TMF1: variants seen among roughly 807,000 people sequenced by gnomAD.
TMF1 encodes TATA element modulatory factor.
Under a neutral mutation model 126.5 loss-of-function variants are expected in TMF1, and 71 were observed. The ratio of observed to expected loss-of-function variants is 0.56; its 90% confidence interval spans 0.46 to 0.68. TMF1 has a LOEUF of 0.68. Ranked by LOEUF, TMF1 falls within the 30% of genes least tolerant of loss-of-function variation. TMF1 has a pLI of 0.00. For missense variants in TMF1, 1,259 were observed against 1,253.2 expected, an observed-to-expected ratio of 1.00 and a Z score of -0.07; for synonymous variants, 461 against 430.5, an observed-to-expected ratio of 1.07 and a Z score of -0.88.
intron 2 of TMF1, 86 bp from the exon 3 acceptor site, chr3:69,044,681 A>G: frequency 2.6e-6 from 2 of 772,410 alleles, no homozygotes; most frequent in Non-Finnish European, 4.3e-6. Context: ...GTAACAAAGA[A>G]AACAGCTTTA....
chr3:69,024,766 A>C (rs7375020), intron 15 of TMF1: 1 of 147,056 alleles, frequency 6.8e-6, no homozygotes, highest in Non-Finnish European at 1.5e-5. Context: ...AGGTATCCTG[A>C]TTCAAAATGC....
In TMF1 at chr3:69,020,735, A is replaced by G. The variant is rs2091724732; in HGVS notation, c.*2442T>C. On this transcript the variant is annotated 3_prime_UTR_variant, in exon 17 of 17. Transcript: ENST00000398559. ...AGTGTTTAACAATCAAAATATGATC[A>G]GTTTGAGTATCAGCTATTTATTTGT... The G allele has an allele frequency of 1.3e-5, 2 of 152,188 alleles. No individual in the cohort carries two copies. Among genetic ancestry groups the G allele is most frequent in the Non-Finnish European group, 2.9e-5 (2 of 68,008 alleles). The allele number at this position is 152,188 out of a possible 1,614,324, so 9.4% of individuals were successfully genotyped here. A position where few individuals can be genotyped will look rare whatever the true frequency, so the allele number is the denominator to read the frequency against.
chr3:69,048,536 A>G lies in TMF1; in HGVS notation c.169T>C (p.Trp57Arg). ...PGISSPVSGGWDTSTWGLKSN... is the reference protein window; with the variant it reads ...PGISSPVSGGRDTSTWGLKSN... ...TTCAACCCCCAGGTTGAAGTATCCC[A>G]TCCTCCACTGACAGGGGAACTTATT... is the stretch of plus-strand genomic sequence containing the variant. The change falls in exon 2 of 17, where the codon TGG becomes CGG. Residue 57 changes from tryptophan to arginine, a missense_variant. By Grantham distance (101) the Trp-to-Arg change is moderately radical. Coordinates refer to ENST00000398559, the MANE Select transcript of TMF1 (RefSeq NM_007114.3). The G allele has an allele frequency of 1.2e-6, 2 of 1,608,254 alleles. No homozygotes were observed. Among genetic ancestry groups the G allele is most frequent in the Non-Finnish European group, 1.7e-6 (2 of 1,176,756 alleles).
At chr3:69,032,642 G>A (rs1213570219) in intron 10 of TMF1, among the ~76,000 whole-genome samples, 2 of 143,406 alleles carry the variant, frequency 1.4e-5, no homozygotes, top group East Asian at 2.0e-4. Flanking sequence ...ATGCAGTCTC[G>A]CTCTGTCACC....
chr3:69,051,815 GGGCC>G lies in TMF1; in HGVS notation c.142+126_142+129del. 8.0e-6 allele frequency: 9 copies of G among 1,123,978 alleles called. No individual in the cohort carries two copies. The South Asian group carries it at 1.3e-4, about 17-fold the overall frequency. 69.6% of individuals were successfully genotyped at this position (1,123,978 alleles called of 1,614,324 possible). ...GGAGGCTGAAGCAGCATTAGGGAAC[GGGCC>G]GGGGAGAAATTACTTCCTGAAAACT... On this transcript the variant is annotated intron_variant, in intron 1 of 16. Coordinates refer to ENST00000398559, the MANE Select transcript of TMF1 (RefSeq NM_007114.3).
In TMF1 at chr3:69,042,924, G is replaced by T; in HGVS notation, c.1579-12C>A. On this transcript the variant is annotated splice_polypyrimidine_tract_variant and intron_variant, in intron 4 of 16. Coordinates refer to ENST00000398559, the MANE Select transcript of TMF1 (RefSeq NM_007114.3). ...ATGTTTTTGATTTCCTAATAAAAAA[G>T]AAATCTGTGAATACCGTAAAGAATG... is the stretch of plus-strand genomic sequence containing the variant. The T allele has an allele frequency of 6.5e-7, 1 of 1,543,432 alleles. No homozygotes were observed. Among genetic ancestry groups the T allele is most frequent in the Non-Finnish European group, 8.9e-7 (1 of 1,117,654 alleles).
intron 1 of TMF1, among the ~76,000 whole-genome samples, chr3:69,051,593 C>T (rs1444932809): frequency 6.6e-6 from 1 of 152,164 alleles, no homozygotes; most frequent in Non-Finnish European, 1.5e-5. Context: ...CCAACAGTGC[C>T]CGAGACGCGA....
chr3:69,038,521 C>T, intron 8 of TMF1, 43 bp downstream of exon 8: 1 of 1,591,114 alleles, frequency 6.3e-7, no homozygotes, highest in Non-Finnish European at 8.6e-7. Context: ...GAAGCATAAA[C>T]AAATATTTTT....
chr3:69,041,788 T>C (rs2091866414), intron 5 of TMF1, among the ~76,000 whole-genome samples: 1 of 152,144 alleles, frequency 6.6e-6, no homozygotes, highest in Non-Finnish European at 1.5e-5. Context: ...TATTGGATTA[T>C]AATCTACTTT....
At position 69,025,688 on chromosome 3, in the gene TMF1, C is replaced by G; in HGVS notation, c.2884G>C (p.Gly962Arg). ...CCATTTGCTGATATAGGCATTGGTCCAAATGAGTGATCATGAGACTCATCC... is the reference window on the plus strand; with the variant it reads ...CCATTTGCTGATATAGGCATTGGTCGAAATGAGTGATCATGAGACTCATCC... ...SQDESHDHSF[G>R]PMPISANGSN... The change falls in exon 15 of 17, where the codon GGA becomes CGA. Residue 962 changes from glycine to arginine, a missense_variant. Gly to Arg is a moderately radical substitution (Grantham distance 125, BLOSUM62 -2). Transcript: ENST00000398559. 1 of 1,613,848 alleles carries G rather than the reference C, an allele frequency of 6.2e-7. No homozygotes were observed. Among genetic ancestry groups the G allele is most frequent in the Non-Finnish European group, 8.5e-7 (1 of 1,179,898 alleles).
intron 13 of TMF1, among the ~76,000 whole-genome samples, chr3:69,026,561 G>A (rs576479720): frequency 1.6e-4 from 24 of 152,182 alleles, no homozygotes; most frequent in African/African-American, 4.3e-4. Flanking sequence ...TGGAGGTGGC[G>A]GTGAGCTGAG....
In TMF1 at chr3:69,021,353, C is replaced by G. The variant is rs1260796220; in HGVS notation, c.*1824G>C. 1 of 152,568 alleles carries G rather than the reference C, an allele frequency of 6.6e-6. No individual in the cohort carries two copies. The highest frequency in any genetic ancestry group is 1.5e-5 in the Non-Finnish European group (1 of 68,028). 9.5% of individuals were successfully genotyped at this position (152,568 alleles called of 1,614,324 possible). On this transcript the variant is annotated 3_prime_UTR_variant, in exon 17 of 17. Transcript: ENST00000398559. ...GAGGGAACTACTATATTTTCTAATT[C>G]TATACATTTCTTATTGCTTATCTGT...
intron 5 of TMF1, among the ~76,000 whole-genome samples, chr3:69,041,769 T>C (rs2091866300): frequency 1.3e-5 from 2 of 152,126 alleles, no homozygotes; most frequent in Admixed American, 1.3e-4. Context: ...AATTAATAGT[T>C]CCTTATAATA....
In TMF1 at chr3:69,042,871, A is replaced by G. The variant is rs751410162; in HGVS notation, c.1620T>C (p.Asn540=). ...NIKEELATRL[N]SSETADLLKE... ...TCAAAAGGTCTGCAGTTTCACTACT[A>G]TTTAATCTAGTGGCAAGTTCTTCTT... The change falls in exon 5 of 17, where the codon AAT becomes AAC. Residue 540 remains asparagine (N), a synonymous_variant. Transcript: ENST00000398559. 1 of 1,613,546 alleles carries G rather than the reference A, an allele frequency of 6.2e-7. No individual in the cohort carries two copies. The highest frequency in any genetic ancestry group is 8.5e-7 in the Non-Finnish European group (1 of 1,179,798).
At position 69,023,214 on chromosome 3, in the gene TMF1, G is replaced by A; in HGVS notation, c.3245C>T (p.Thr1082Ile). ...DLEDVKNMYKTQIDELLRQSL... is the reference protein window; with the variant it reads ...DLEDVKNMYKIQIDELLRQSL... ...TTGTCTTAAAAGTTCATCTATTTGA[G>A]TTTTGTACATATTTTTTACATCTTC... The change falls in exon 17 of 17, where the codon ACT becomes ATT. Residue 1082 changes from threonine (T) to isoleucine (I), a missense_variant. Transcript: ENST00000398559. 1 of 1,611,188 alleles carries A rather than the reference G, an allele frequency of 6.2e-7. No homozygotes were observed. The highest frequency in any genetic ancestry group is 8.5e-7 in the Non-Finnish European group (1 of 1,178,302).
intron 11 of TMF1, among the ~76,000 whole-genome samples, chr3:69,028,738 C>A (rs757277655): frequency 6.6e-6 from 1 of 152,104 alleles, no homozygotes; most frequent in African/African-American, 2.4e-5. Flanking sequence ...AAAATACTAA[C>A]CATTGCCTTA....
intron 10 of TMF1, among the ~76,000 whole-genome samples, chr3:69,031,435 C>CAT (rs770131669): frequency 6.6e-6 from 1 of 151,996 alleles, no homozygotes; most frequent in African/African-American, 2.4e-5. Flanking sequence ...CACACACACA[C>CAT]ATACACAAAT....
intron 2 of TMF1, 84 bp from the exon 3 acceptor site, chr3:69,044,679 G>A (rs981174052): frequency 6.4e-6 from 5 of 786,678 alleles, no homozygotes; most frequent in Non-Finnish European, 1.0e-5. Context: ...CTGTAACAAA[G>A]AAAACAGCTT....
chr3:69,034,106 C>G lies in TMF1; in HGVS notation c.2245-402G>C, dbSNP rs560403398. 9 of 162,008 alleles carry G rather than the reference C, an allele frequency of 5.6e-5. No homozygotes were observed. The South Asian group carries it at 1.5e-3, about 27-fold the overall frequency. 10.0% of individuals were successfully genotyped at this position (162,008 alleles called of 1,614,324 possible). ...GGGATTATAGGCATGAACCACCATG[C>G]CCAGCCCTTAATTATTTTTCTAACT... On this transcript the variant is annotated intron_variant, in intron 9 of 16. Coordinates refer to ENST00000398559, the MANE Select transcript of TMF1 (RefSeq NM_007114.3).
Sources: gnomAD v4.1 joint callset for allele counts (sites outside exome capture counted in the v4.1 genomes callset) on GRCh38, gnomAD v4.1.1 for gene constraint, MANE v1.5 for transcripts, NCBI Gene and HGNC (gene_info 2026-07-23, HGNC 2026-07-21) for gene names.